The following FGD5 variants were observed in gnomAD, a reference collection of about 807,000 sequenced individuals.
The protein encoded by FGD5 is FYVE, RhoGEF and PH domain containing 5, also known as FYVE, RhoGEF and PH domain-containing protein 5.
A neutral mutation model predicts 133.4 loss-of-function variants in FGD5; 28 were observed. The ratio of observed to expected loss-of-function variants is 0.21; its 90% CI spans 0.16 to 0.29. FGD5 has a LOEUF of 0.29. Among genes scored for constraint, FGD5 ranks in the 10% least tolerant of loss-of-function variants. The pLI, the probability that FGD5 is intolerant of heterozygous loss-of-function variation, is 1.00. For synonymous variants in FGD5, 810 were observed against 776.5 expected, an observed-to-expected ratio of 1.04 and a Z score of -0.72; for missense variants, 1,858 against 1,895.2, an observed-to-expected ratio of 0.98 and a Z score of 0.36.
Position 14,820,011 on chromosome 3 carries a change from G to A in FGD5, c.940G>A (p.Asp314Asn), listed in dbSNP as rs1426010104. The A allele has an allele frequency of 6.2e-7, 1 of 1,613,976 alleles. No individual in the cohort carries two copies. The highest frequency in any genetic ancestry group is 8.5e-7 in the Non-Finnish European group (1 of 1,179,876). Reference sequence around the variant, plus strand: ...AGAAGTGGCAGCCGCCACCCTGGAGGACCATGCACAGGATGAGTCCGCCGA... The same window carrying A: ...AGAAGTGGCAGCCGCCACCCTGGAGAACCATGCACAGGATGAGTCCGCCGA... ...NQEVAAATLEDHAQDESAEES... is the reference protein window; with the variant it reads ...NQEVAAATLENHAQDESAEES... The change falls in exon 1 of 20, where the codon GAC becomes AAC. Residue 314 changes from aspartate (D) to asparagine (N), a missense_variant. Physicochemically the swap from Asp to Asn is conservative, Grantham distance 23. Coordinates refer to ENST00000285046, the MANE Select transcript of FGD5 (RefSeq NM_152536.4).
chr3:14,815,611 T>G (rs1321506388), upstream of FGD5, among the ~76,000 whole-genome samples: 2 of 152,184 alleles, frequency 1.3e-5, no homozygotes, highest in Non-Finnish European at 2.9e-5. Context: ...TAAAGCTAGT[T>G]GTTCACTTTT....
chr3:14,858,058 G>C (rs1008526293), intron 1 of FGD5, among the ~76,000 whole-genome samples: 1 of 152,182 alleles, frequency 6.6e-6, no homozygotes, highest in South Asian at 2.1e-4. Context: ...GTACAGTAAA[G>C]TACCCAGAGT....
intron 2 of FGD5, among the ~76,000 whole-genome samples, chr3:14,865,510 C>T (rs778512202): frequency 4.6e-5 from 7 of 152,134 alleles, no homozygotes; most frequent in South Asian, 4.1e-4. Context: ...TCAGTCCCTT[C>T]TCTCTCCAGT....
intron 11 of FGD5, among the ~76,000 whole-genome samples, chr3:14,916,581 T>G (rs2038559563): frequency 6.6e-6 from 1 of 152,198 alleles, no homozygotes; most frequent in Non-Finnish European, 1.5e-5. Flanking sequence ...GTGAAATGCA[T>G]CAACCTTAAG....
chr3:14,888,328 C>T (rs1465683960), intron 4 of FGD5, among the ~76,000 whole-genome samples: 1 of 152,198 alleles, frequency 6.6e-6, no homozygotes. Context: ...ACACTGCTCT[C>T]TCTTAGTTAG....
At position 14,853,636 on chromosome 3, in the gene FGD5, C is replaced by CTTTTTTTTTTT. The variant is rs34008934; in HGVS notation, c.2526-10471_2526-10461dup. On this transcript the variant is annotated intron_variant, in intron 1 of 19. Coordinates refer to ENST00000285046, the MANE Select transcript of FGD5 (RefSeq NM_152536.4). ...GAGATTCCCAGGGGGAAAAGCGTTC[C>CTTTTTTTTTTT]TTTTTTTTTTTTTTTTTTTTTTTTT... Among the ~76,000 whole-genome samples, 78 of 37,130 alleles carry CTTTTTTTTTTT rather than the reference C, an allele frequency of 2.1e-3. 5 individuals are homozygous for CTTTTTTTTTTT. The highest frequency in any genetic ancestry group is 2.1e-3 in the Non-Finnish European group (46 of 22,176). The allele number at this position is 37,130 out of a possible 152,430, so 24.4% of individuals were successfully genotyped here. A position where few individuals can be genotyped will look rare whatever the true frequency, so the allele number is the denominator to read the frequency against.
At chr3:14,911,369 C>T (rs1418247202) in intron 11 of FGD5, among the ~76,000 whole-genome samples, 1 of 152,154 alleles carries the variant, frequency 6.6e-6, no homozygotes, top group East Asian at 1.9e-4. Context: ...CAACTGGAGT[C>T]TTCCATACCA....
chr3:14,829,206 T>C (rs1426246546), intron 1 of FGD5, among the ~76,000 whole-genome samples: 4 of 152,032 alleles, frequency 2.6e-5, no homozygotes, highest in Non-Finnish European at 4.4e-5. Flanking sequence ...CAGCTGGAGC[T>C]TAGGTGCATG....
chr3:14,890,414 C>T (rs992723119), intron 4 of FGD5, among the ~76,000 whole-genome samples: 4 of 152,174 alleles, frequency 2.6e-5, no homozygotes, highest in Non-Finnish European at 4.4e-5. Context: ...CTGTTTCCTC[C>T]GGGCTTGGTG....
At chr3:14,821,841 C>T (rs1337681319) in intron 1 of FGD5, among the ~76,000 whole-genome samples, 2 of 152,148 alleles carry the variant, frequency 1.3e-5, no homozygotes, top group Non-Finnish European at 2.9e-5. Context: ...GTGGCTCATG[C>T]CTGTAATCCC....
intron 4 of FGD5, among the ~76,000 whole-genome samples, chr3:14,887,043 A>G (rs977468209): frequency 2.0e-5 from 3 of 152,192 alleles, no homozygotes; most frequent in African/African-American, 7.2e-5. Flanking sequence ...TGGATGCTGC[A>G]TAGGTCGAGC....
In FGD5 at chr3:14,821,266, G is replaced by A; in HGVS notation, c.2195G>A (p.Gly732Asp). ...TTTTATAGAGATGGCAAGAGGAAAGGTGTCCCCTTCAGCAGGACGGTGTCC... is the reference window on the plus strand; with the variant it reads ...TTTTATAGAGATGGCAAGAGGAAAGATGTCCCCTTCAGCAGGACGGTGTCC... The part of the protein sequence containing the change: ...LIFYRDGKRK[G>D]VPFSRTVSRV... The change falls in exon 1 of 20, where the codon GGT becomes GAT. Residue 732 changes from glycine to aspartate, a missense_variant. This residue lies in a region of FGD5 where 1,824 missense variants were observed against 1,848.9 expected (regional missense o/e 0.99). Transcript: ENST00000285046. The A allele has an allele frequency of 6.2e-7, 1 of 1,613,908 alleles. No homozygotes were observed.
rs1385336912 is a variant in FGD5, at chr3:14,934,300, C to T, written c.*1133C>T. Reference sequence around the variant, plus strand: ...CTCCTGAGGGTGACTGTTGCTTATTCTGCTGGACAGGTTTTTACATAAAGC... The same window carrying T: ...CTCCTGAGGGTGACTGTTGCTTATTTTGCTGGACAGGTTTTTACATAAAGC... On this transcript the variant is annotated 3_prime_UTR_variant, in exon 20 of 20. Transcript: ENST00000285046. The T allele has an allele frequency of 1.3e-5, 2 of 152,244 alleles. No individual in the cohort carries two copies. The highest frequency in any genetic ancestry group is 1.9e-4 in the East Asian group (1 of 5,178). 9.4% of individuals were successfully genotyped at this position (152,244 alleles called of 1,614,324 possible).
intron 1 of FGD5, among the ~76,000 whole-genome samples, chr3:14,837,467 C>T (rs569298571): frequency 2.6e-5 from 4 of 152,194 alleles, no homozygotes; most frequent in Non-Finnish European, 5.9e-5. Context: ...GTTGCGGGGG[C>T]TGGGGGGGAT....
chr3:14,854,362 T>A (rs2037228994), intron 1 of FGD5, among the ~76,000 whole-genome samples: 1 of 151,898 alleles, frequency 6.6e-6, no homozygotes, highest in African/African-American at 2.4e-5. Context: ...AACAGACCAC[T>A]GGTCCTTTAT....
At chr3:14,897,457 A>T in intron 4 of FGD5, 52 bp from the exon 5 acceptor site, 1 of 1,563,930 alleles carries the variant, frequency 6.4e-7, no homozygotes, top group East Asian at 2.3e-5. Context: ...GCCAAGGAGG[A>T]CTTGTGCTCA....
intron 1 of FGD5, among the ~76,000 whole-genome samples, chr3:14,847,760 T>TCGA (rs1479086354): frequency 9.2e-5 from 14 of 152,186 alleles, no homozygotes; most frequent in Admixed American, 7.9e-4. Flanking sequence ...CCGGGTGTTC[T>TCGA]CACCTTCGAG....
Position 14,905,037 on chromosome 3 carries a change from A to G in FGD5, c.3265-2603A>G, listed in dbSNP as rs527754024. ...AATGTTTCCCATTCTAATCATGACC[A>G]CACTAGCCTCCTCCCTTGCTTATCT... On this transcript the variant is annotated intron_variant, in intron 9 of 19. Transcript: ENST00000285046. 1.7e-4 allele frequency among the ~76,000 whole-genome samples: 26 copies of G among 152,140 alleles called. No individual in the cohort carries two copies. The South Asian group carries it at 5.4e-3, about 32-fold the overall frequency.
chr3:14,864,854 T>C (rs1303341691), intron 2 of FGD5, among the ~76,000 whole-genome samples: 1 of 152,128 alleles, frequency 6.6e-6, no homozygotes, highest in East Asian at 1.9e-4. Context: ...ATACACTCTC[T>C]ATTGGACACT....
Sources: allele counts gnomAD v4.1 joint callset (sites outside exome capture counted in the v4.1 genomes callset), GRCh38; gene constraint gnomAD v4.1.1; regional missense constraint gnomAD v4.1.1; transcripts MANE v1.5; gene names NCBI Gene and HGNC (gene_info 2026-07-23, HGNC 2026-07-21).